Variants in AKAP6 observed in about 807,000 individuals in gnomAD.
AKAP6 encodes A-kinase anchoring protein 6.
In AKAP6, 58 loss-of-function variants were observed where a neutral mutation model predicts 188.5. That is an observed-to-expected ratio of 0.31 (90% CI 0.25 to 0.38). AKAP6 has a LOEUF of 0.38. Ranked by LOEUF, AKAP6 falls within the 10% of genes least tolerant of loss-of-function variation. AKAP6 has a pLI of 1.00. For synonymous variants in AKAP6, 989 were observed against 998.6 expected (o/e 0.99, Z 0.18); for missense variants, 2,710 against 2,740.0 (o/e 0.99, Z 0.24).
chr14:32,804,258 A>G (rs948177304), intron 12 of AKAP6, among the ~76,000 whole-genome samples: 2 of 152,144 alleles, frequency 1.3e-5, no homozygotes, highest in African/African-American at 4.8e-5. Flanking sequence ...ACTGAAGCCT[A>G]TGTAATCTTT....
In AKAP6 at chr14:32,811,255, A is replaced by AAAAT. The variant is rs546819675; in HGVS notation, c.3589-10146_3589-10145insAATA. ...CTCCGTCTCAGGAAAAAAAAAAAAA[A>AAAAT]AGTTGAAAAACAGACTAAGATAATG... On this transcript the variant is annotated intron_variant, in intron 12 of 13. Transcript: ENST00000280979. Among the ~76,000 whole-genome samples the AAAAT allele has an allele frequency of 7.4e-3, 876 of 118,338 alleles. 109 individuals are homozygous for AAAAT. The highest frequency in any genetic ancestry group is 0.021 in the Middle Eastern group (4 of 192). The allele number at this position is 118,338 out of a possible 152,430, so 77.6% of individuals were successfully genotyped here. A position where few individuals can be genotyped will look rare whatever the true frequency, so the allele number is the denominator to read the frequency against.
intron 11 of AKAP6, among the ~76,000 whole-genome samples, chr14:32,764,134 T>C (rs2032630181): frequency 6.6e-6 from 1 of 152,204 alleles, no homozygotes; most frequent in South Asian, 2.1e-4. Flanking sequence ...ATAATTTACA[T>C]CTTCCTCAGG....
At chr14:32,766,007 A>G (rs1002491380) in intron 11 of AKAP6, among the ~76,000 whole-genome samples, 3 of 152,122 alleles carry the variant, frequency 2.0e-5, no homozygotes, top group Admixed American at 6.6e-5. Flanking sequence ...CTTACCCATT[A>G]GCTCGCTTTT....
rs568855329 is a variant in AKAP6, at chr14:32,483,639, C to T, written c.324+49822C>T. Among the ~76,000 whole-genome samples, 40 of 152,176 alleles carry T rather than the reference C, an allele frequency of 2.6e-4. No individual in the cohort carries two copies. In the South Asian group the frequency reaches 8.1e-3, roughly 31 times the overall value. Reference sequence around the variant, plus strand: ...AGCTGGGATTACAGGCATATGCCACCACTCCCAGCTAATTTTGTATTTTTA... The same window carrying T: ...AGCTGGGATTACAGGCATATGCCACTACTCCCAGCTAATTTTGTATTTTTA... On this transcript the variant is annotated intron_variant, in intron 2 of 13. Transcript: ENST00000280979.
chr14:32,653,175 G>A (rs771855253), intron 7 of AKAP6, among the ~76,000 whole-genome samples: 4 of 152,154 alleles, frequency 2.6e-5, no homozygotes, highest in Non-Finnish European at 4.4e-5. Flanking sequence ...GTTTGGCCTC[G>A]AGTTAGGTAT....
At chr14:32,649,388 A>C (rs925355082) in intron 7 of AKAP6, among the ~76,000 whole-genome samples, 2 of 152,182 alleles carry the variant, frequency 1.3e-5, no homozygotes, top group African/African-American at 4.8e-5. Flanking sequence ...TGTTTAACCT[A>C]TTCTCTACCA....
At chr14:32,537,500 C>T (rs1391623894) in intron 3 of AKAP6, among the ~76,000 whole-genome samples, 3 of 152,120 alleles carry the variant, frequency 2.0e-5, no homozygotes, top group African/African-American at 4.8e-5. Flanking sequence ...GTTTGTATAA[C>T]CTCTAGAGAG....
At chr14:32,454,087 G>A (rs983403525) in intron 2 of AKAP6, among the ~76,000 whole-genome samples, 1 of 152,106 alleles carries the variant, frequency 6.6e-6, no homozygotes, top group Non-Finnish European at 1.5e-5. Flanking sequence ...ATGGCCTCAA[G>A]TTATGCAGGA....
chr14:32,517,816 C>G (rs906185232), intron 2 of AKAP6, among the ~76,000 whole-genome samples: 2 of 152,238 alleles, frequency 1.3e-5, no homozygotes, highest in Non-Finnish European at 2.9e-5. Context: ...CACACTTAAA[C>G]CTCCCTGTCT....
At chr14:32,815,849 G>A (rs909449849) in intron 12 of AKAP6, among the ~76,000 whole-genome samples, 1 of 152,118 alleles carries the variant, frequency 6.6e-6, no homozygotes, top group African/African-American at 2.4e-5. Flanking sequence ...CTATAAGGCA[G>A]ATACAATGTA....
chr14:32,703,837 C>T (rs1890708616), intron 9 of AKAP6, among the ~76,000 whole-genome samples: 1 of 152,198 alleles, frequency 6.6e-6, no homozygotes, highest in Non-Finnish European at 1.5e-5. Context: ...AAAGGGTTAA[C>T]AGTCTGAGAC....
At position 32,545,948 on chromosome 14, in the gene AKAP6, C is replaced by G; in HGVS notation, c.1295C>G (p.Pro432Arg). ...SRSTPSLVDP[P>R]DRSKLCLVLQ... Reference sequence around the variant, plus strand: ...AGCACCCCTTCGCTAGTAGATCCTCCTGACAGATCCAAACTTTGCCTGGTA... The same window carrying G: ...AGCACCCCTTCGCTAGTAGATCCTCGTGACAGATCCAAACTTTGCCTGGTA... Residue 432 changes from proline (P) to arginine (R), a missense_variant, in exon 4 of 14, where the codon CCT (proline) becomes CGT (arginine). By Grantham distance (103) the Pro-to-Arg change is moderately radical (BLOSUM62 -2). Coordinates refer to ENST00000280979, the MANE Select transcript of AKAP6 (RefSeq NM_004274.5). The G allele has an allele frequency of 6.2e-7, 1 of 1,614,196 alleles. No homozygotes were observed. The highest frequency in any genetic ancestry group is 1.1e-5 in the South Asian group (1 of 91,088).
intron 2 of AKAP6, among the ~76,000 whole-genome samples, chr14:32,530,227 G>A (rs1882344749): frequency 1.3e-5 from 2 of 152,046 alleles, no homozygotes; most frequent in African/African-American, 2.4e-5. Flanking sequence ...GGGGTCTCCT[G>A]TGTTGCCCAG....
chr14:32,504,712 T>C (rs969643309), intron 2 of AKAP6, among the ~76,000 whole-genome samples: 2 of 152,268 alleles, frequency 1.3e-5, no homozygotes, highest in Admixed American at 6.5e-5. Flanking sequence ...TACCTTTTTC[T>C]TCCCAATAGT....
At chr14:32,554,524 G>A (rs1250454762) in intron 4 of AKAP6, among the ~76,000 whole-genome samples, 1 of 152,116 alleles carries the variant, frequency 6.6e-6, no homozygotes, top group African/African-American at 2.4e-5. Context: ...ATTCCAGCTG[G>A]GATGCCAGAG....
At chr14:32,580,467 C>T (rs978732362) in intron 5 of AKAP6, among the ~76,000 whole-genome samples, 6 of 152,054 alleles carry the variant, frequency 3.9e-5, no homozygotes, top group Admixed American at 3.9e-4. Context: ...CTGTCTTCCT[C>T]CTACACTTAA....
intron 2 of AKAP6, among the ~76,000 whole-genome samples, chr14:32,499,601 G>C (rs1880502140): frequency 6.6e-6 from 1 of 151,830 alleles, no homozygotes; most frequent in African/African-American, 2.4e-5. Flanking sequence ...GCTCAGAATA[G>C]AACTTGGATA....
chr14:32,623,326 C>T (rs1410506526), intron 7 of AKAP6, among the ~76,000 whole-genome samples: 1 of 152,084 alleles, frequency 6.6e-6, no homozygotes, highest in Non-Finnish European at 1.5e-5. Flanking sequence ...GAATAAATTG[C>T]TTCCCTGATT....
chr14:32,368,075 C>A (rs1887891651), intron 1 of AKAP6, among the ~76,000 whole-genome samples: 1 of 152,044 alleles, frequency 6.6e-6, no homozygotes, highest in Non-Finnish European at 1.5e-5. Flanking sequence ...TTTGAAGGCC[C>A]TTCATCCTTC....
Sources: gnomAD v4.1 joint callset for allele counts (sites outside exome capture counted in the v4.1 genomes callset) on GRCh38, gnomAD v4.1.1 for gene constraint, MANE v1.5 for transcripts, NCBI Gene and HGNC (gene_info 2026-07-23, HGNC 2026-07-21) for gene names.